The following ROBO1 variants were observed in gnomAD, a reference collection of about 807,000 sequenced individuals.
ROBO1 encodes the protein roundabout homolog 1.
A neutral mutation model predicts 195.9 loss-of-function variants in ROBO1; 149 were observed. That is an observed-to-expected ratio of 0.76 (90% CI 0.67 to 0.87). ROBO1 has a LOEUF of 0.87. Among genes scored for constraint, ROBO1 ranks in the 40% least tolerant of loss-of-function variants. The pLI, the probability that ROBO1 is intolerant of heterozygous loss-of-function variation, is 0.00. For missense variants in ROBO1, 1,933 were observed against 2,068.3 expected (o/e 0.93, Z 1.27); for synonymous variants, 816 against 733.2 (o/e 1.11, Z -1.82).
intron 28 of ROBO1, among the ~76,000 whole-genome samples, chr3:78,612,677 G>C (rs1164813014): frequency 6.6e-6 from 1 of 152,142 alleles, no homozygotes; most frequent in Non-Finnish European, 1.5e-5. Context: ...ATAAAGACTT[G>C]TTAGTACAGT....
chr3:79,639,100 T>C (rs575769868), intron 1 of ROBO1, among the ~76,000 whole-genome samples: 4 of 152,308 alleles, frequency 2.6e-5, no homozygotes, highest in African/African-American at 9.6e-5. Flanking sequence ...AAATTTTAAT[T>C]TCATTTGAAA....
intron 4 of ROBO1, among the ~76,000 whole-genome samples, chr3:78,884,647 GA>G (rs763003712): frequency 7.8e-4 from 56 of 71,364 alleles, no homozygotes; most frequent in African/African-American, 2.6e-3. Context: ...AAGAAAGAAA[GA>G]AAGGAAGGAA....
chr3:78,717,206 G>A, intron 7 of ROBO1, 69 bp downstream of exon 7: 5 of 1,459,124 alleles, frequency 3.4e-6, no homozygotes, highest in Non-Finnish European at 4.6e-6. Flanking sequence ...GCCCGGATGT[G>A]GAGATGATGT....
chr3:79,103,835 A>G (rs1174754453), intron 3 of ROBO1, among the ~76,000 whole-genome samples: 1 of 151,842 alleles, frequency 6.6e-6, no homozygotes, highest in African/African-American at 2.4e-5. Flanking sequence ...TCATCAAAGA[A>G]AATTATTTGT....
At chr3:79,617,189 C>A (rs1022944976) in intron 1 of ROBO1, among the ~76,000 whole-genome samples, 2 of 152,164 alleles carry the variant, frequency 1.3e-5, no homozygotes, top group African/African-American at 4.8e-5. Context: ...ACTTCCTCAA[C>A]CATCCCAGTC....
rs142209609 is a variant in ROBO1, at chr3:79,665,816, C to G, written c.-50-75855G>C. The stretch of plus-strand genomic sequence containing the variant: ...AAAATTGTGAAGGTCCTTGAAATTA[C>G]AGGAAAGGATCTTAAACACAAGGCT... On this transcript the variant is annotated intron_variant, in intron 1 of 30. Transcript: ENST00000464233. 1.9e-3 allele frequency among the ~76,000 whole-genome samples: 293 copies of G among 151,896 alleles called. 3 individuals carry two copies. Among genetic ancestry groups the G allele is most frequent in the African/African-American group, 6.6e-3 (275 of 41,472 alleles).
intron 1 of ROBO1, among the ~76,000 whole-genome samples, chr3:79,752,130 G>A (rs1704154517): frequency 6.6e-6 from 1 of 152,122 alleles, no homozygotes; most frequent in Non-Finnish European, 1.5e-5. Flanking sequence ...GGAAGCAACA[G>A]GGGAAAGCTA....
chr3:79,034,820 A>G (rs1184000668), intron 3 of ROBO1, among the ~76,000 whole-genome samples: 1 of 152,106 alleles, frequency 6.6e-6, no homozygotes, highest in Non-Finnish European at 1.5e-5. Context: ...TTATTGGGTG[A>G]AGGAAGTTGT....
chr3:79,049,100 T>C (rs2078648434), intron 3 of ROBO1, among the ~76,000 whole-genome samples: 2 of 152,098 alleles, frequency 1.3e-5, no homozygotes, highest in South Asian at 4.1e-4. Flanking sequence ...CAAACTTCTC[T>C]GAGCTAAAGG....
chr3:79,315,635 A>C (rs557962998), intron 2 of ROBO1, among the ~76,000 whole-genome samples: 16 of 152,332 alleles, frequency 1.1e-4, no homozygotes, highest in African/African-American at 3.4e-4. Context: ...GAGTTCTGAG[A>C]TGAGAAAGTA....
intron 3 of ROBO1, among the ~76,000 whole-genome samples, chr3:79,013,226 A>G (rs976907191): frequency 1.3e-5 from 2 of 152,190 alleles, no homozygotes; most frequent in East Asian, 3.9e-4. Context: ...CTTGGGATTC[A>G]GAGCAGAGCA....
At chr3:79,360,612 T>G (rs1050489063) in intron 2 of ROBO1, among the ~76,000 whole-genome samples, 1 of 152,056 alleles carries the variant, frequency 6.6e-6, no homozygotes, top group Non-Finnish European at 1.5e-5. Context: ...TAGGGCTAAG[T>G]AAGTTTTGGA....
intron 10 of ROBO1, among the ~76,000 whole-genome samples, chr3:78,676,439 C>T (rs10865571): frequency 0.27 from 40,975 of 151,954 alleles, 5,793 homozygotes; most frequent in East Asian, 0.56. Flanking sequence ...AAAATTTAGA[C>T]GAATGTATAA....
intron 2 of ROBO1, among the ~76,000 whole-genome samples, chr3:79,502,830 C>G (rs1000055854): frequency 6.6e-6 from 1 of 152,072 alleles, no homozygotes; most frequent in Non-Finnish European, 1.5e-5. Context: ...CACCAGTCAG[C>G]AGTCTGTATC....
At chr3:79,249,286 G>A (rs924918033) in intron 2 of ROBO1, among the ~76,000 whole-genome samples, 2 of 152,290 alleles carry the variant, frequency 1.3e-5, no homozygotes, top group Middle Eastern at 3.4e-3. Flanking sequence ...TCACCAGCAC[G>A]AAGAGGACTA....
intron 2 of ROBO1, among the ~76,000 whole-genome samples, chr3:79,228,799 A>G (rs576973532): frequency 6.6e-6 from 1 of 152,286 alleles, no homozygotes; most frequent in South Asian, 2.1e-4. Context: ...AAAATAACAA[A>G]TGATTAAATT....
At chr3:78,858,130 G>C (rs1305585076) in intron 4 of ROBO1, among the ~76,000 whole-genome samples, 1 of 152,032 alleles carries the variant, frequency 6.6e-6, no homozygotes, top group Non-Finnish European at 1.5e-5. Flanking sequence ...GAGGAGTAGG[G>C]GGACAGGGCT....
At chr3:79,117,889 A>C in intron 3 of ROBO1, among the ~76,000 whole-genome samples, 1 of 152,344 alleles carries the variant, frequency 6.6e-6, no homozygotes, top group East Asian at 1.9e-4. Flanking sequence ...TCTAAGAATT[A>C]GAGATTAGGA....
intron 1 of ROBO1, among the ~76,000 whole-genome samples, chr3:79,682,967 T>C (rs1477943232): frequency 5.5e-5 from 6 of 110,004 alleles, no homozygotes; most frequent in African/African-American, 2.1e-4. Flanking sequence ...TCAGAACATG[T>C]ATAAATGTAA....
Sources: allele counts gnomAD v4.1 joint callset (sites outside exome capture counted in the v4.1 genomes callset), GRCh38; gene constraint gnomAD v4.1.1; transcripts MANE v1.5; gene names NCBI Gene and HGNC (gene_info 2026-07-23, HGNC 2026-07-21).